The following SLC25A21 variants were observed in gnomAD, a reference collection of about 807,000 sequenced individuals.
SLC25A21 encodes solute carrier family 25 member 21.
In SLC25A21, 47 loss-of-function variants were observed where a neutral mutation model predicts 43.8. The observed-to-expected ratio is 1.07, with a 90% CI of 0.85 to 1.37. SLC25A21 has a LOEUF of 1.37. SLC25A21 is among the 40% of genes most tolerant of loss of function. The pLI is 0.00. For synonymous variants in SLC25A21, 131 were observed against 121.3 expected (o/e 1.08, Z -0.52); for missense variants, 352 against 350.2 (o/e 1.00, Z -0.04).
intron 1 of SLC25A21, among the ~76,000 whole-genome samples, chr14:36,875,647 A>C (rs529180965): frequency 1.3e-5 from 2 of 152,330 alleles, no homozygotes; most frequent in African/African-American, 4.8e-5. Context: ...TCCCCATTGT[A>C]CAAATGAGAA....
intron 3 of SLC25A21, among the ~76,000 whole-genome samples, chr14:36,776,092 T>C (rs1398091971): frequency 6.6e-6 from 1 of 152,076 alleles, no homozygotes; most frequent in South Asian, 2.1e-4. Flanking sequence ...TTCCAGTCTA[T>C]TGGAACTTCT....
chr14:37,096,631 G>A (rs1194389171), intron 1 of SLC25A21, among the ~76,000 whole-genome samples: 2 of 151,768 alleles, frequency 1.3e-5, no homozygotes, highest in African/African-American at 4.8e-5. Context: ...TTTTCTGCTT[G>A]ATCAGTTCTG....
At chr14:36,832,669 T>G (rs1383619163) in intron 2 of SLC25A21, among the ~76,000 whole-genome samples, 3 of 152,184 alleles carry the variant, frequency 2.0e-5, no homozygotes, top group Non-Finnish European at 4.4e-5. Context: ...CAGGAAGACA[T>G]TCTTGGGTAC....
chr14:36,903,035 T>C (rs1410723307), intron 1 of SLC25A21, among the ~76,000 whole-genome samples: 1 of 152,140 alleles, frequency 6.6e-6, no homozygotes, highest in Non-Finnish European at 1.5e-5. Context: ...TTCTTCTTTG[T>C]AAATGGGAAT....
intron 3 of SLC25A21, among the ~76,000 whole-genome samples, chr14:36,779,457 T>TTA (rs57847198): frequency 0.22 from 30,332 of 139,180 alleles, 3,845 homozygotes; most frequent in East Asian, 0.38. Context: ...AAAGAAGGAA[T>TTA]TATATATATA....
At chr14:37,015,148 G>A (rs868457808) in intron 1 of SLC25A21, among the ~76,000 whole-genome samples, 30 of 151,338 alleles carry the variant, frequency 2.0e-4, no homozygotes, top group Admixed American at 7.2e-4. Flanking sequence ...CCATTAACTC[G>A]TCACTTAGCA....
intron 3 of SLC25A21, among the ~76,000 whole-genome samples, chr14:36,800,338 G>A (rs1017242769): frequency 1.3e-5 from 2 of 152,080 alleles, no homozygotes; most frequent in African/African-American, 2.4e-5. Flanking sequence ...ACTGACACCT[G>A]GATATGAATG....
intron 2 of SLC25A21, among the ~76,000 whole-genome samples, chr14:36,833,488 T>C (rs957471751): frequency 1.3e-5 from 2 of 152,202 alleles, no homozygotes; most frequent in Non-Finnish European, 1.5e-5. Flanking sequence ...GGAATAATGT[T>C]GTAGAAGTTT....
Position 36,874,964 on chromosome 14 carries a change from C to T in SLC25A21, c.111G>A (p.Val37=). Residue 37 remains valine (V), a synonymous_variant, in exon 2 of 10, where the codon GTG becomes GTA. Transcript: ENST00000331299. ...TTCATGCAGAACCTTACCTGGTTTTCACCACATCTAGGGGGTGCATCAGGC... is the reference window on the plus strand; with the variant it reads ...TTCATGCAGAACCTTACCTGGTTTTTACCACATCTAGGGGGTGCATCAGGC... ...EICLMHPLDV[V]KTRFQIQRCA... 2 of 1,609,796 alleles carry T rather than the reference C, an allele frequency of 1.2e-6. No homozygotes were observed. Among genetic ancestry groups the T allele is most frequent in the Non-Finnish European group, 1.7e-6 (2 of 1,177,992 alleles).
At chr14:36,781,249 T>C (rs1019351394) in intron 3 of SLC25A21, among the ~76,000 whole-genome samples, 1 of 152,118 alleles carries the variant, frequency 6.6e-6, no homozygotes, top group Non-Finnish European at 1.5e-5. Context: ...TAGCACATGG[T>C]TGGGTCTTAT....
At chr14:36,962,085 T>C (rs1959506715) in intron 1 of SLC25A21, among the ~76,000 whole-genome samples, 1 of 152,210 alleles carries the variant, frequency 6.6e-6, no homozygotes, top group African/African-American at 2.4e-5. Flanking sequence ...TCCGAACCAC[T>C]CATCCTTTCT....
chr14:36,802,170 ACT>A (rs969737607), intron 3 of SLC25A21, among the ~76,000 whole-genome samples: 1 of 152,168 alleles, frequency 6.6e-6, no homozygotes, highest in African/African-American at 2.4e-5. Context: ...AAATTTTCTT[ACT>A]ATCTGTTTTG....
At position 36,892,710 on chromosome 14, in the gene SLC25A21, CA is replaced by C. The variant is rs577806664; in HGVS notation, c.71-17707del. On this transcript the variant is annotated intron_variant, in intron 1 of 9. Coordinates refer to ENST00000331299, the MANE Select transcript of SLC25A21 (RefSeq NM_030631.4). ...CTATCCCTCCCCACTCCCCCAACCC[CA>C]CAACTGGCCCCGGTGTGTGATGTTC... Among the ~76,000 whole-genome samples, 46 of 152,226 alleles carry C rather than the reference CA, an allele frequency of 3.0e-4. No homozygotes were observed. In the East Asian group the frequency reaches 8.5e-3, roughly 28 times the overall value.
At chr14:36,981,390 T>C (rs1036946175) in intron 1 of SLC25A21, among the ~76,000 whole-genome samples, 2 of 152,222 alleles carry the variant, frequency 1.3e-5, no homozygotes, top group African/African-American at 2.4e-5. Flanking sequence ...CATGCACACG[T>C]ATGTTTATTG....
At chr14:37,032,103 T>C (rs1481608856) in intron 1 of SLC25A21, among the ~76,000 whole-genome samples, 1 of 150,682 alleles carries the variant, frequency 6.6e-6, no homozygotes, top group Admixed American at 6.6e-5. Context: ...TTTTCCCATA[T>C]AGCTATCTAC....
intron 1 of SLC25A21, among the ~76,000 whole-genome samples, chr14:37,022,213 TA>T (rs902592395): frequency 4.6e-5 from 7 of 151,886 alleles, no homozygotes; most frequent in Non-Finnish European, 1.0e-4. Flanking sequence ...ACTAATTACA[TA>T]AAAAAACTTA....
At chr14:36,756,007 C>T (rs893883519) in intron 3 of SLC25A21, among the ~76,000 whole-genome samples, 1 of 152,172 alleles carries the variant, frequency 6.6e-6, no homozygotes, top group African/African-American at 2.4e-5. Flanking sequence ...TAGGATAGAG[C>T]CAGAATTTGG....
intron 1 of SLC25A21, among the ~76,000 whole-genome samples, chr14:36,895,166 G>T (rs1297586505): frequency 6.6e-6 from 1 of 152,164 alleles, no homozygotes; most frequent in Non-Finnish European, 1.5e-5. Flanking sequence ...AAGCCATCTG[G>T]TCCTGGACTT....
At chr14:37,056,826 C>G (rs1961841085) in intron 1 of SLC25A21, among the ~76,000 whole-genome samples, 1 of 152,174 alleles carries the variant, frequency 6.6e-6, no homozygotes, top group African/African-American at 2.4e-5. Context: ...TTTTCTTTCT[C>G]CCATACAGAC....
Sources: allele counts gnomAD v4.1 joint callset (sites outside exome capture counted in the v4.1 genomes callset), GRCh38; gene constraint gnomAD v4.1.1; transcripts MANE v1.5; gene names NCBI Gene and HGNC (gene_info 2026-07-23, HGNC 2026-07-21).